The following FRMD4B variants were observed in gnomAD, a reference collection of about 807,000 sequenced individuals.
FRMD4B encodes the protein FERM domain-containing protein 4B.
Under a neutral mutation model 141.5 loss-of-function variants are expected in FRMD4B, and 74 were observed. That is an observed-to-expected ratio of 0.52 (90% CI 0.43 to 0.63). The LOEUF (loss-of-function observed/expected upper bound fraction) is 0.63, where lower values mean the gene tolerates loss of function less well. FRMD4B is among the 30% of genes least tolerant of loss of function. The probability of loss-of-function intolerance (pLI) is 0.00; values close to 1 mark genes in which losing one functional copy is unlikely to be tolerated. For missense variants in FRMD4B, 1,366 were observed against 1,253.4 expected, an observed-to-expected ratio of 1.09 and a Z score of -1.36; for synonymous variants, 506 against 467.9, an observed-to-expected ratio of 1.08 and a Z score of -1.05.
chr3:69,474,191 GA>G (rs1436614513), intron 1 of FRMD4B, among the ~76,000 whole-genome samples: 2 of 152,176 alleles, frequency 1.3e-5, no homozygotes, highest in East Asian at 1.9e-4. Context: ...ACATGTGACA[GA>G]AACCTGTTTT....
intron 1 of FRMD4B, among the ~76,000 whole-genome samples, chr3:69,374,403 C>T (rs150878845): frequency 1.3e-5 from 2 of 152,200 alleles, no homozygotes; most frequent in South Asian, 2.1e-4. Flanking sequence ...AGCATCTAAT[C>T]GAATTTTAAT....
At chr3:69,510,669 A>T (rs1184602302) in intron 1 of FRMD4B, among the ~76,000 whole-genome samples, 1 of 152,226 alleles carries the variant, frequency 6.6e-6, no homozygotes, top group Non-Finnish European at 1.5e-5. Flanking sequence ...AAAGGTGTTG[A>T]TGACCACAGC....
At position 69,171,689 on chromosome 3, in the gene FRMD4B, T is replaced by G; in HGVS notation, c.*172A>C. ...AAGGCCAAATCCTCCTTTAGGGGCT[T>G]TGTGGGGCTTGGTGTGTGATTCACT... On this transcript the variant is annotated 3_prime_UTR_variant, in exon 23 of 23. Transcript: ENST00000398540. The G allele has an allele frequency of 1.6e-6, 1 of 635,494 alleles. No homozygotes were observed. 39.4% of individuals were successfully genotyped at this position (635,494 alleles called of 1,614,324 possible). A position where few individuals can be genotyped will look rare whatever the true frequency, so the allele number is the denominator to read the frequency against.
chr3:69,353,701 A>C, intron 1 of FRMD4B: 1 of 985,078 alleles, frequency 1.0e-6, no homozygotes, highest in South Asian at 4.7e-5. Context: ...AGCCAGTGGA[A>C]GTAGGAACTT....
chr3:69,241,752 G>C (rs1011167332), intron 7 of FRMD4B, among the ~76,000 whole-genome samples: 14 of 152,074 alleles, frequency 9.2e-5, no homozygotes, highest in Non-Finnish European at 1.9e-4. Flanking sequence ...TAAAAAATTA[G>C]CCAGGCATGG....
rs1575733977 is a variant in FRMD4B, at chr3:69,326,766, A to G, written c.163-13249T>C. 4.6e-5 allele frequency among the ~76,000 whole-genome samples: 7 copies of G among 152,352 alleles called. 1 individual carries two copies. Among genetic ancestry groups the G allele is most frequent in the Admixed American group, 4.6e-4 (7 of 15,304 alleles). On this transcript the variant is annotated intron_variant, in intron 1 of 22. Coordinates refer to ENST00000398540, the MANE Select transcript of FRMD4B (RefSeq NM_015123.3). ...GGAAGAAACTTCAGTGAAAAGCAAG[A>G]TTCTCTTTATATTCTGACTGTGCTT...
intron 1 of FRMD4B, among the ~76,000 whole-genome samples, chr3:69,350,758 G>T (rs1207593396): frequency 6.6e-6 from 1 of 150,706 alleles, no homozygotes; most frequent in Admixed American, 6.6e-5. Context: ...CTCACTCACA[G>T]GTGGGAATTG....
chr3:69,454,588 G>T (rs1003438593), intron 1 of FRMD4B, among the ~76,000 whole-genome samples: 1 of 152,220 alleles, frequency 6.6e-6, no homozygotes, highest in South Asian at 2.1e-4. Flanking sequence ...CAGGCCAGCA[G>T]CTGCGGAGGG....
chr3:69,480,076 C>A (rs1042728937), intron 1 of FRMD4B, among the ~76,000 whole-genome samples: 2 of 152,280 alleles, frequency 1.3e-5, no homozygotes, highest in South Asian at 2.1e-4. Context: ...TTAAGCACTT[C>A]TCTGTATTGG....
rs1050838493 is a variant in FRMD4B, at chr3:69,287,610, G to C, written c.501+142C>G. ...TACCATTTGTGTATGTGTGTAGTTGGGGGGTAGGACATATTCATGGAAAAG... is the reference window on the plus strand; with the variant it reads ...TACCATTTGTGTATGTGTGTAGTTGCGGGGTAGGACATATTCATGGAAAAG... On this transcript the variant is annotated intron_variant, in intron 5 of 22. Transcript: ENST00000398540. 3.7e-5 allele frequency: 23 copies of C among 625,302 alleles called. No individual in the cohort carries two copies. In the African/African-American group the frequency reaches 3.7e-4, roughly 10 times the overall value. The allele number at this position is 625,302 out of a possible 1,614,324, so 38.7% of individuals were successfully genotyped here.
intron 1 of FRMD4B, among the ~76,000 whole-genome samples, chr3:69,488,943 A>C (rs1706263039): frequency 6.6e-6 from 1 of 151,886 alleles, no homozygotes; most frequent in African/African-American, 2.4e-5. Context: ...TCTTCAAAGA[A>C]AAGACAGTAG....
chr3:69,465,422 G>A (rs6792409), intron 1 of FRMD4B, among the ~76,000 whole-genome samples: 36,892 of 151,512 alleles, frequency 0.24, 4,749 homozygotes, highest in Middle Eastern at 0.3. Flanking sequence ...TATACTTTAA[G>A]TTCTAGGGTA....
intron 1 of FRMD4B, among the ~76,000 whole-genome samples, chr3:69,526,997 T>C (rs1700939908): frequency 1.3e-5 from 2 of 152,162 alleles, no homozygotes; most frequent in Admixed American, 1.3e-4. Context: ...CTTTCTTTCC[T>C]ACTGTGCTCT....
intron 3 of FRMD4B, among the ~76,000 whole-genome samples, chr3:69,306,148 T>A (rs544575033): frequency 1.2e-4 from 19 of 152,316 alleles, no homozygotes; most frequent in South Asian, 8.3e-4. Context: ...AAGAATTTTT[T>A]AAAAAATGCC....
intron 1 of FRMD4B, among the ~76,000 whole-genome samples, chr3:69,339,170 AT>A (rs1025065644): frequency 4.4e-4 from 67 of 151,144 alleles, no homozygotes; most frequent in South Asian, 4.0e-3. Context: ...CATTTCCTTT[AT>A]TTTTTTTTCC....
At chr3:69,236,315 G>A (rs1324481962) in intron 7 of FRMD4B, among the ~76,000 whole-genome samples, 3 of 149,178 alleles carry the variant, frequency 2.0e-5, no homozygotes, top group Admixed American at 6.8e-5. Context: ...TGCAAGCTCC[G>A]CCTCCTGGGT....
intron 2 of FRMD4B, among the ~76,000 whole-genome samples, chr3:69,422,394 A>G (rs1704996472): frequency 6.6e-6 from 1 of 151,788 alleles, no homozygotes; most frequent in Non-Finnish European, 1.5e-5. Context: ...AAAAAAAAAA[A>G]AAAGAAGAGA....
chr3:69,446,330 A>G (rs764006788), intron 1 of FRMD4B, among the ~76,000 whole-genome samples: 5 of 147,600 alleles, frequency 3.4e-5, no homozygotes, highest in Non-Finnish European at 4.5e-5. Flanking sequence ...CTAGCCTACA[A>G]ATTTTTTTAT....
intron 1 of FRMD4B, among the ~76,000 whole-genome samples, chr3:69,519,107 CTTTG>C (rs1163238608): frequency 3.3e-5 from 5 of 152,182 alleles, no homozygotes; most frequent in African/African-American, 1.2e-4. Flanking sequence ...TCCTCCATTT[CTTTG>C]TTTGTTTTTA....
Sources: gnomAD v4.1 joint callset for allele counts (sites outside exome capture counted in the v4.1 genomes callset) on GRCh38, gnomAD v4.1.1 for gene constraint, MANE v1.5 for transcripts, NCBI Gene and HGNC (gene_info 2026-07-23, HGNC 2026-07-21) for gene names.